Variants in MYO16 observed in about 807,000 individuals in gnomAD.
MYO16 encodes the protein myosin XVI.
MYO16 carries 94 observed loss-of-function variants against 205.3 expected under a neutral mutation model. That is an observed-to-expected ratio of 0.46 (90% CI 0.39 to 0.54). MYO16 has a LOEUF of 0.54. Among genes scored for constraint, MYO16 ranks in the 20% least tolerant of loss-of-function variants. The probability of loss-of-function intolerance (pLI) is 0.00; values close to 1 mark genes in which losing one functional copy is unlikely to be tolerated. For missense variants in MYO16, 2,315 were observed against 2,387.5 expected (o/e 0.97, Z 0.63); for synonymous variants, 988 against 954.0 (o/e 1.04, Z -0.66).
chr13:108,770,328 T>G (rs924998185), intron 4 of MYO16, among the ~76,000 whole-genome samples: 1 of 152,206 alleles, frequency 6.6e-6, no homozygotes, highest in Non-Finnish European at 1.5e-5. Context: ...CTTTAAATTT[T>G]CAGATAACTG....
intron 4 of MYO16, among the ~76,000 whole-genome samples, chr13:108,769,239 G>A (rs1204637909): frequency 1.3e-5 from 2 of 152,198 alleles, no homozygotes; most frequent in East Asian, 1.9e-4. Flanking sequence ...GGAAGAAGCT[G>A]TAAAGGAACA....
intron 10 of MYO16, among the ~76,000 whole-genome samples, chr13:108,849,513 T>A (rs1193201802): frequency 1.4e-5 from 2 of 147,634 alleles, no homozygotes; most frequent in East Asian, 2.0e-4. Context: ...TTTTTTTTTT[T>A]AATTTCCTCC....
chr13:109,156,379 A>G (rs750376364), intron 32 of MYO16, among the ~76,000 whole-genome samples: 3 of 152,196 alleles, frequency 2.0e-5, no homozygotes, highest in Non-Finnish European at 2.9e-5. Flanking sequence ...CCTTCATGCA[A>G]TAGCCTTTCT....
intron 27 of MYO16, among the ~76,000 whole-genome samples, chr13:109,063,422 T>A (rs1336045850): frequency 2.0e-5 from 3 of 152,182 alleles, no homozygotes; most frequent in Non-Finnish European, 4.4e-5. Flanking sequence ...AGGAAAATTA[T>A]GTGCAAATTA....
At chr13:109,156,666 C>T (rs1324697272) in intron 32 of MYO16, among the ~76,000 whole-genome samples, 1 of 152,182 alleles carries the variant, frequency 6.6e-6, no homozygotes, top group Non-Finnish European at 1.5e-5. Context: ...TCCTTTCTCT[C>T]CCCTGCTTCC....
At chr13:108,612,432 C>A (rs1039054626) in intron 1 of MYO16, among the ~76,000 whole-genome samples, 7 of 152,096 alleles carry the variant, frequency 4.6e-5, no homozygotes, top group Admixed American at 1.3e-4. Flanking sequence ...ACTAATAAGA[C>A]AAATCCAGCT....
intron 31 of MYO16, among the ~76,000 whole-genome samples, chr13:109,136,608 T>C (rs1377055421): frequency 6.6e-6 from 1 of 152,206 alleles, no homozygotes; most frequent in Admixed American, 6.5e-5. Flanking sequence ...TGTCACCCTG[T>C]TCATTTTCTG....
intron 15 of MYO16, among the ~76,000 whole-genome samples, chr13:108,902,669 G>A (rs1880765740): frequency 6.6e-6 from 1 of 152,140 alleles, no homozygotes; most frequent in Non-Finnish European, 1.5e-5. Flanking sequence ...TCCTTGGCTT[G>A]GAGATGCATT....
chr13:108,785,734 G>A lies in MYO16; in HGVS notation c.607G>A (p.Asp203Asn). 6.3e-7 allele frequency: 1 copy of A among 1,598,360 alleles called. No individual in the cohort carries two copies. The highest frequency in any genetic ancestry group is 8.5e-7 in the Non-Finnish European group (1 of 1,171,848). The change falls in exon 5 of 35, where the codon GAT becomes AAT. Residue 203 changes from aspartate (D) to asparagine (N), a missense_variant. Around this residue, in one of 3 missense-constraint regions of MYO16, gnomAD observed 1,213 missense variants for 1,274.4 expected, o/e 0.95. Coordinates refer to ENST00000457511, the MANE Select transcript of MYO16 (RefSeq NM_001198950.3). ...CAGCTCTATCCTGTTGACCTATCTG[G>A]ATGAAAATGGTAGGCAAAAACTTTT... Reference protein sequence around the residue: ...ESSSILLTYLDENGVDLTSLR... With the variant: ...ESSSILLTYLNENGVDLTSLR...
intron 34 of MYO16, among the ~76,000 whole-genome samples, chr13:109,181,168 T>C (rs1879435746): frequency 1.3e-5 from 2 of 152,262 alleles, no homozygotes; most frequent in Admixed American, 1.3e-4. Context: ...TTTTCCATTC[T>C]CAGATTTCAA....
intron 23 of MYO16, among the ~76,000 whole-genome samples, chr13:109,034,215 T>G (rs1455815215): frequency 6.6e-6 from 1 of 152,192 alleles, no homozygotes; most frequent in Non-Finnish European, 1.5e-5. Context: ...ATTTTTAATT[T>G]TGTTACTTTT....
chr13:108,636,363 TTTTTTTTG>T (rs1483418323), intron 1 of MYO16, among the ~76,000 whole-genome samples: 56 of 77,468 alleles, frequency 7.2e-4, no homozygotes, highest in African/African-American at 2.4e-3. Flanking sequence ...TTTTTTTTTT[TTTTTTTTG>T]TGTGTGTGTG....
chr13:108,709,710 C>A (rs1334042234), intron 2 of MYO16, among the ~76,000 whole-genome samples: 1 of 135,514 alleles, frequency 7.4e-6, no homozygotes, highest in African/African-American at 2.7e-5. Flanking sequence ...AGGTCTCTTA[C>A]AATTCCAGTT....
intron 33 of MYO16, among the ~76,000 whole-genome samples, chr13:109,173,837 G>A (rs1460640515): frequency 7.6e-6 from 1 of 130,956 alleles, no homozygotes; most frequent in Non-Finnish European, 1.5e-5. Flanking sequence ...GCAGTGAGCC[G>A]AGATCGCGCC....
At chr13:108,817,104 T>C (rs531084841) in intron 7 of MYO16, among the ~76,000 whole-genome samples, 4 of 151,888 alleles carry the variant, frequency 2.6e-5, no homozygotes, top group Non-Finnish European at 5.9e-5. Flanking sequence ...AAAAAAAAAA[T>C]AGTAAAACCA....
intron 1 of MYO16, among the ~76,000 whole-genome samples, chr13:108,645,837 T>C (rs1880729395): frequency 6.6e-6 from 1 of 152,186 alleles, no homozygotes; most frequent in Non-Finnish European, 1.5e-5. Context: ...CCTTTCCCTA[T>C]GCCAAAGACT....
the MYO16 span, among the ~76,000 whole-genome samples, chr13:108,548,977 T>C: frequency 6.6e-6 from 1 of 152,146 alleles, no homozygotes; most frequent in African/African-American, 2.4e-5. Context: ...TATCTATAGA[T>C]ATACAGATCG....
the MYO16 span, among the ~76,000 whole-genome samples, chr13:108,539,011 C>A: frequency 5.7e-3 from 872 of 152,202 alleles, 1 homozygote; most frequent in Non-Finnish European, 8.3e-3. Flanking sequence ...ATCCTGTTCA[C>A]CTCTGCCTTT....
chr13:108,907,393 A>G (rs978402243), intron 15 of MYO16, among the ~76,000 whole-genome samples: 4 of 152,244 alleles, frequency 2.6e-5, no homozygotes, highest in African/African-American at 7.2e-5. Flanking sequence ...AAGAGCTTTT[A>G]AAACATACAA....
Sources: allele counts gnomAD v4.1 joint callset (sites outside exome capture counted in the v4.1 genomes callset), GRCh38; gene constraint gnomAD v4.1.1; regional missense constraint gnomAD v4.1.1; transcripts MANE v1.5; gene names NCBI Gene and HGNC (gene_info 2026-07-23, HGNC 2026-07-21).